UBR3: variants seen among roughly 807,000 people sequenced by gnomAD.
UBR3 encodes ubiquitin protein ligase E3 component n-recognin 3.
UBR3 carries 85 observed loss-of-function variants against 243.2 expected under a neutral mutation model. The observed-to-expected ratio is 0.35, with a 90% CI of 0.29 to 0.42. The LOEUF is 0.42. Among genes scored for constraint, UBR3 ranks in the 10% least tolerant of loss-of-function variants. The pLI is 1.00. For missense variants in UBR3, 1,686 were observed against 2,300.8 expected (o/e 0.73, Z 5.47); for synonymous variants, 748 against 799.8 (o/e 0.94, Z 1.09).
intron 24 of UBR3, among the ~76,000 whole-genome samples, chr2:169,976,616 GA>G (rs1380833758): frequency 2.6e-5 from 4 of 152,156 alleles, no homozygotes; most frequent in African/African-American, 9.7e-5. Flanking sequence ...TTTTTGCTGA[GA>G]AATCTGTTCT....
intron 1 of UBR3, among the ~76,000 whole-genome samples, chr2:169,868,204 A>G (rs766524): frequency 0.14 from 21,459 of 152,216 alleles, 2,046 homozygotes; most frequent in East Asian, 0.44. Context: ...ACAAGTAGCA[A>G]TTCAGAGCTG....
At chr2:169,965,081 C>T (rs2087745677) in intron 24 of UBR3, 3 of 391,828 alleles carry the variant, frequency 7.7e-6, no homozygotes, top group Middle Eastern at 7.9e-4. Context: ...AGTCTCTTTC[C>T]AGAGATATCT....
chr2:169,836,068 T>TATA lies in UBR3; in HGVS notation c.545+8016_545+8017insATA, dbSNP rs1558999189. Among the ~76,000 whole-genome samples, 33 of 29,690 alleles carry TATA rather than the reference T, an allele frequency of 1.1e-3. 1 individual carries two copies. The highest frequency in any genetic ancestry group is 1.8e-3 in the African/African-American group (12 of 6,678). 19.5% of individuals were successfully genotyped at this position (29,690 alleles called of 152,430 possible). ...CTATATATATATATATATATATATATTTTTTTTTTTTTTTTTTTTTTTTTT... is the reference window on the plus strand; with the variant it reads ...CTATATATATATATATATATATATATATATTTTTTTTTTTTTTTTTTTTTTTTT... On this transcript the variant is annotated intron_variant, in intron 1 of 38. Coordinates refer to ENST00000272793, the MANE Select transcript of UBR3 (RefSeq NM_172070.4).
At chr2:170,005,891 T>TA (rs1425953286) in intron 27 of UBR3, among the ~76,000 whole-genome samples, 1 of 151,992 alleles carries the variant, frequency 6.6e-6, no homozygotes, top group Non-Finnish European at 1.5e-5. Context: ...AGGATAGTAT[T>TA]GCTAAATGAC....
Position 169,925,757 on chromosome 2 carries a change from C to T in UBR3, c.2151+10C>T. On this transcript the variant is annotated intron_variant, in intron 14 of 38. Transcript: ENST00000272793. ...CATTTACCTGTTACAGGTAAGCCAG[C>T]TAGATAATGCAGATATACTTTAGAA... 1.3e-6 allele frequency: 2 copies of T among 1,539,580 alleles called. No homozygotes were observed. The highest frequency in any genetic ancestry group is 1.2e-5 in the South Asian group (1 of 81,500).
intron 31 of UBR3, among the ~76,000 whole-genome samples, chr2:170,035,729 G>C (rs2090808029): frequency 6.6e-6 from 1 of 151,884 alleles, no homozygotes; most frequent in Non-Finnish European, 1.5e-5. Context: ...AGATTGCATT[G>C]AATCTCTAGG....
chr2:169,991,593 A>AT (rs1033573690), intron 25 of UBR3, among the ~76,000 whole-genome samples: 6 of 152,014 alleles, frequency 3.9e-5, no homozygotes, highest in Admixed American at 2.0e-4. Flanking sequence ...TATTATTATT[A>AT]TTTTTTTGAG....
At chr2:170,053,117 C>CT (rs1245003223) in intron 32 of UBR3, among the ~76,000 whole-genome samples, 1 of 152,180 alleles carries the variant, frequency 6.6e-6, no homozygotes, top group Admixed American at 6.5e-5. Flanking sequence ...GACTGCTGTC[C>CT]TTTGAAAGGC....
At chr2:170,071,595 A>T (rs1212738842) in intron 35 of UBR3, among the ~76,000 whole-genome samples, 1 of 152,204 alleles carries the variant, frequency 6.6e-6, no homozygotes, top group African/African-American at 2.4e-5. Context: ...GTTGAATGTT[A>T]TGGTATGTGG....
At chr2:170,041,755 A>G (rs1378443738) in intron 32 of UBR3, among the ~76,000 whole-genome samples, 1 of 152,206 alleles carries the variant, frequency 6.6e-6, no homozygotes, top group Non-Finnish European at 1.5e-5. Flanking sequence ...TTCCTGGGGA[A>G]GACATTGTTT....
chr2:170,017,511 A>G (rs1241705856), intron 30 of UBR3, among the ~76,000 whole-genome samples: 1 of 147,418 alleles, frequency 6.8e-6, no homozygotes, highest in Non-Finnish European at 1.5e-5. Flanking sequence ...AATGCCTGGT[A>G]TATAATTACG....
rs113256554 is a variant in UBR3 at position 169,967,273 on chromosome 2, C to A, written c.3634+8747C>A. The stretch of plus-strand genomic sequence containing the variant: ...CAGGGTATGCGCCCCCCGCCCCCCC[C>A]CACACACAGTTGGTAGCCTATAGAT... On this transcript the variant is annotated intron_variant, in intron 24 of 38. Transcript: ENST00000272793. 7.8e-3 allele frequency among the ~76,000 whole-genome samples: 1,144 copies of A among 146,210 alleles called. 14 individuals carry two copies. Among genetic ancestry groups the A allele is most frequent in the African/African-American group, 0.026 (1,029 of 39,608 alleles).
intron 10 of UBR3, among the ~76,000 whole-genome samples, chr2:169,913,359 TG>T (rs2085331064): frequency 8.8e-6 from 1 of 113,138 alleles, no homozygotes; most frequent in African/African-American, 2.6e-5. Context: ...GTTTGTTTTT[TG>T]TTTTTTTTTT....
intron 23 of UBR3, among the ~76,000 whole-genome samples, chr2:169,954,661 T>C (rs12052399): frequency 0.98 from 148,227 of 151,158 alleles, 72,728 homozygotes; most frequent in East Asian, 1. Flanking sequence ...CTGCAACCTC[T>C]GCCTCCTAGG....
intron 32 of UBR3, among the ~76,000 whole-genome samples, chr2:170,043,081 A>G (rs2091007431): frequency 6.6e-6 from 1 of 152,136 alleles, no homozygotes; most frequent in Admixed American, 6.5e-5. Flanking sequence ...ACGTTTTGAA[A>G]TATTTTAAAA....
At chr2:169,984,025 C>T (rs1410717383) in intron 24 of UBR3, among the ~76,000 whole-genome samples, 3 of 152,078 alleles carry the variant, frequency 2.0e-5, no homozygotes, top group Non-Finnish European at 1.5e-5. Context: ...TCATCTTTGA[C>T]TATTACTCTA....
At chr2:169,985,572 A>T (rs996217339) in intron 24 of UBR3, among the ~76,000 whole-genome samples, 2 of 151,864 alleles carry the variant, frequency 1.3e-5, no homozygotes, top group African/African-American at 4.8e-5. Context: ...TTTTCTTTTG[A>T]AATCTTCTTT....
Position 169,827,670 on chromosome 2 carries a change from C to A in UBR3, c.163C>A (p.Leu55Met). The change falls in exon 1 of 39, where the codon CTG (leucine) becomes ATG (methionine). Residue 55 changes from leucine to methionine, a missense_variant. Transcript: ENST00000272793. The stretch of plus-strand genomic sequence containing the variant: ...AGGTGCTGAGGAGCTGCAGGCGCTG[C>A]TGGAGCGGGTGCTGAGCGCCGAGCG... ...RAGAEELQAL[L>M]ERVLSAERPL... The A allele has an allele frequency of 8.2e-7, 1 of 1,225,372 alleles. No individual in the cohort carries two copies. The highest frequency in any genetic ancestry group is 4.3e-5 in the Admixed American group (1 of 23,158). The allele number at this position is 1,225,372 out of a possible 1,614,324, so 75.9% of individuals were successfully genotyped here.
chr2:169,919,339 T>C (rs2085596903), intron 11 of UBR3, among the ~76,000 whole-genome samples: 1 of 152,206 alleles, frequency 6.6e-6, no homozygotes, highest in South Asian at 2.1e-4. Flanking sequence ...ATAGGAGATA[T>C]GTTAGTCAAG....
Sources: gnomAD v4.1 joint callset for allele counts (sites outside exome capture counted in the v4.1 genomes callset) on GRCh38, gnomAD v4.1.1 for gene constraint, MANE v1.5 for transcripts, NCBI Gene and HGNC (gene_info 2026-07-23, HGNC 2026-07-21) for gene names.